Variants in KIAA0319L observed in about 807,000 individuals in gnomAD.
The protein encoded by KIAA0319L is dyslexia-associated protein KIAA0319-like protein.
KIAA0319L carries 55 observed loss-of-function variants against 120.1 expected under a neutral mutation model. That is an observed-to-expected ratio of 0.46 (90% CI 0.37 to 0.57). The LOEUF is 0.57. Among genes scored for constraint, KIAA0319L ranks in the 20% least tolerant of loss-of-function variants. KIAA0319L has a pLI of 0.00. For synonymous variants in KIAA0319L, 398 were observed against 471.9 expected (o/e 0.84, Z 2.03); for missense variants, 1,049 against 1,255.3 (o/e 0.84, Z 2.48).
chr1:35,519,295 G>T (rs1293660381), intron 2 of KIAA0319L, among the ~76,000 whole-genome samples: 1 of 152,106 alleles, frequency 6.6e-6, no homozygotes, highest in Non-Finnish European at 1.5e-5. Flanking sequence ...AAAAGTGATT[G>T]TAAGCTATAT....
intron 9 of KIAA0319L, among the ~76,000 whole-genome samples, chr1:35,459,371 C>T (rs1029374345): frequency 2.0e-5 from 3 of 152,072 alleles, no homozygotes; most frequent in African/African-American, 7.2e-5. Context: ...CTTTGGGAGG[C>T]TGAGGCGGGT....
intron 20 of KIAA0319L, chr1:35,440,103 C>G (rs1641091909): frequency 6.6e-6 from 1 of 152,236 alleles, no homozygotes; most frequent in South Asian, 2.1e-4. Flanking sequence ...CCCGCCCGCC[C>G]TCACTGCTCT....
chr1:35,475,305 CCA>C lies in KIAA0319L; in HGVS notation c.914-401_914-400del, dbSNP rs1001196584. On this transcript the variant is annotated intron_variant, in intron 4 of 20. Transcript: ENST00000325722. ...CTAAGCCCTCCCTATATACTACATT[CCA>C]CAGAGTTCAAATCCTGTTTCAAGTA... Among the ~76,000 whole-genome samples the C allele has an allele frequency of 4.6e-5, 7 of 152,218 alleles. No individual in the cohort carries two copies. The East Asian group carries it at 9.6e-4, about 21-fold the overall frequency.
In KIAA0319L at chr1:35,453,318, C is replaced by G. The variant is rs1237419635; in HGVS notation, c.1913+239G>C. 6.6e-6 allele frequency among the ~76,000 whole-genome samples: 1 copy of G among 152,158 alleles called. No homozygotes were observed. Among genetic ancestry groups the G allele is most frequent in the African/African-American group, 2.4e-5 (1 of 41,420 alleles). ...CAGATGGATTGTACCTGAAAAAGCA[C>G]CAGGATCACACAGTACTACCTGGGG... On this transcript the variant is annotated intron_variant, in intron 12 of 20. Transcript: ENST00000325722. The surrounding 1 kb of genome is among the most constrained non-coding windows in gnomAD (Gnocchi z 4.1).
intron 9 of KIAA0319L, among the ~76,000 whole-genome samples, chr1:35,458,207 A>G (rs1642628341): frequency 6.6e-6 from 1 of 152,218 alleles, no homozygotes; most frequent in South Asian, 2.1e-4. Flanking sequence ...AAGTGATGGG[A>G]TTACAGGCAT....
intron 9 of KIAA0319L, among the ~76,000 whole-genome samples, chr1:35,457,404 G>A (rs781342755): frequency 3.3e-5 from 5 of 151,834 alleles, no homozygotes; most frequent in Non-Finnish European, 7.4e-5. Context: ...CGAACCAGGA[G>A]GGCTGGCTCC....
At chr1:35,460,538 G>A in intron 8 of KIAA0319L, 101 bp from the exon 9 acceptor site, 1 of 1,077,846 alleles carries the variant, frequency 9.3e-7, no homozygotes, top group East Asian at 2.4e-5. Flanking sequence ...TTTGAAGCTA[G>A]GAAAACTTCA....
chr1:35,444,315 T>C lies in KIAA0319L; in HGVS notation c.2514-12A>G. 3 of 1,600,720 alleles carry C rather than the reference T, an allele frequency of 1.9e-6. No homozygotes were observed. Among genetic ancestry groups the C allele is most frequent in the South Asian group, 2.3e-5 (2 of 88,570 alleles). On this transcript the variant is annotated splice_polypyrimidine_tract_variant and intron_variant, in intron 16 of 20. Transcript: ENST00000325722. ...ATACCATTTTGGTGCTGCAGAGACA[T>C]GCAACAGTACTAATGAGCTGAAGCG...
chr1:35,466,571 G>C (rs200097541), intron 7 of KIAA0319L, 37 bp downstream of exon 7: 2 of 1,397,882 alleles, frequency 1.4e-6, no homozygotes, highest in African/African-American at 2.8e-5. Flanking sequence ...GTCCTGCAGA[G>C]GGAGGAAGGG....
intron 3 of KIAA0319L, among the ~76,000 whole-genome samples, chr1:35,480,374 C>A (rs772318470): frequency 2.6e-5 from 4 of 152,112 alleles, no homozygotes; most frequent in African/African-American, 7.2e-5. Flanking sequence ...CATTTCTTAG[C>A]GTATGGGTTT....
intron 3 of KIAA0319L, among the ~76,000 whole-genome samples, chr1:35,481,814 C>CTTTTT (rs747721221): frequency 6.1e-4 from 30 of 48,958 alleles, no homozygotes; most frequent in African/African-American, 6.4e-4. Flanking sequence ...TCTGCTGTTT[C>CTTTTT]TTTTTTTTTT....
At chr1:35,486,000 C>T (rs893883210) in intron 3 of KIAA0319L, among the ~76,000 whole-genome samples, 2 of 152,072 alleles carry the variant, frequency 1.3e-5, no homozygotes, top group African/African-American at 4.8e-5. Context: ...ATTCTTGTCA[C>T]CAGAGCTGAG....
intron 7 of KIAA0319L, among the ~76,000 whole-genome samples, chr1:35,464,398 A>G (rs889751055): frequency 6.6e-6 from 1 of 152,212 alleles, no homozygotes; most frequent in Non-Finnish European, 1.5e-5. Flanking sequence ...GACTGGCAGC[A>G]TTTTGCCCCG....
chr1:35,538,330 C>T (rs763453638), intron 2 of KIAA0319L, among the ~76,000 whole-genome samples: 1 of 152,032 alleles, frequency 6.6e-6, no homozygotes, highest in Non-Finnish European at 1.5e-5. Flanking sequence ...GTGGCTCACG[C>T]CTATAATTCC....
chr1:35,556,829 C>G (rs1648151314), intron 1 of KIAA0319L: 1 of 152,226 alleles, frequency 6.6e-6, no homozygotes, highest in Non-Finnish European at 1.5e-5. Flanking sequence ...GTGCTCAACC[C>G]CATCCCCTCT....
chr1:35,499,650 G>A (rs1234577039), intron 3 of KIAA0319L, among the ~76,000 whole-genome samples: 2 of 151,692 alleles, frequency 1.3e-5, no homozygotes, highest in Non-Finnish European at 2.9e-5. Context: ...AACTAGATAA[G>A]TAGATTAAAG....
At chr1:35,497,144 G>C (rs571490043) in intron 3 of KIAA0319L, among the ~76,000 whole-genome samples, 1 of 151,890 alleles carries the variant, frequency 6.6e-6, no homozygotes. Flanking sequence ...GGTGGGAATA[G>C]GGATGGCACA....
intron 2 of KIAA0319L, among the ~76,000 whole-genome samples, chr1:35,509,209 C>A (rs1047557029): frequency 6.6e-6 from 1 of 151,920 alleles, no homozygotes; most frequent in African/African-American, 2.4e-5. Context: ...AAACAAAGTA[C>A]CAGAAAGGAG....
intron 4 of KIAA0319L, among the ~76,000 whole-genome samples, chr1:35,476,343 A>C (rs768775402): frequency 3.9e-5 from 6 of 152,212 alleles, no homozygotes; most frequent in Non-Finnish European, 8.8e-5. Context: ...GATTATATAA[A>C]TCTTATTTCT....
Sources: gnomAD v4.1 joint callset for allele counts (sites outside exome capture counted in the v4.1 genomes callset) on GRCh38, gnomAD v4.1.1 for gene constraint, Gnocchi (gnomAD v3.1) non-coding constraint, MANE v1.5 for transcripts, NCBI Gene and HGNC (gene_info 2026-07-23, HGNC 2026-07-21) for gene names.